The following CNTNAP2 variants were observed in gnomAD, a reference collection of about 807,000 sequenced individuals.
CNTNAP2 encodes the protein contactin-associated protein-like 2.
In CNTNAP2, 98 loss-of-function variants were observed where a neutral mutation model predicts 155.2. The observed-to-expected ratio is 0.63, with a 90% CI of 0.54 to 0.75. The LOEUF (loss-of-function observed/expected upper bound fraction) is 0.75, where lower values mean the gene tolerates loss of function less well. Ranked by LOEUF, CNTNAP2 falls within the 30% of genes least tolerant of loss-of-function variation. The pLI, the probability that CNTNAP2 is intolerant of heterozygous loss-of-function variation, is 0.00. For missense variants in CNTNAP2, 1,727 were observed against 1,688.1 expected (o/e 1.02, Z -0.40); for synonymous variants, 651 against 631.2 (o/e 1.03, Z -0.47).
intron 15 of CNTNAP2, among the ~76,000 whole-genome samples, chr7:148,049,368 A>G (rs1585097155): frequency 6.6e-6 from 1 of 152,260 alleles, no homozygotes; most frequent in African/African-American, 2.4e-5. Context: ...CCTAATTAAC[A>G]TTATAATGTC....
At chr7:148,388,266 G>A (rs535161951) in intron 22 of CNTNAP2, among the ~76,000 whole-genome samples, 1 of 151,280 alleles carries the variant, frequency 6.6e-6, no homozygotes, top group Non-Finnish European at 1.5e-5. Flanking sequence ...CTAGCATTAG[G>A]TATATCTCCC....
intron 1 of CNTNAP2, among the ~76,000 whole-genome samples, chr7:146,708,892 A>C (rs1801014274): frequency 6.6e-6 from 1 of 152,050 alleles, no homozygotes; most frequent in Admixed American, 6.6e-5. Context: ...CTGGCCAAAA[A>C]AAAGTGATTC....
chr7:148,085,548 G>C (rs1377835479), intron 15 of CNTNAP2, among the ~76,000 whole-genome samples: 1 of 152,058 alleles, frequency 6.6e-6, no homozygotes, highest in Admixed American at 6.6e-5. Context: ...GTGTTTTTCA[G>C]CTCCCAAATT....
intron 4 of CNTNAP2, among the ~76,000 whole-genome samples, chr7:147,073,324 A>C (rs924435296): frequency 2.6e-5 from 4 of 151,916 alleles, no homozygotes; most frequent in Non-Finnish European, 5.9e-5. Context: ...AAAAAAAAAA[A>C]AAAACCACAA....
At chr7:148,304,133 A>C (rs1238872037) in intron 21 of CNTNAP2, among the ~76,000 whole-genome samples, 1 of 152,194 alleles carries the variant, frequency 6.6e-6, no homozygotes, top group Non-Finnish European at 1.5e-5. Context: ...ACCAAAACTA[A>C]AAATAAAAAA....
intron 3 of CNTNAP2, among the ~76,000 whole-genome samples, chr7:146,880,529 C>T (rs548298100): frequency 6.6e-6 from 1 of 152,044 alleles, no homozygotes; most frequent in African/African-American, 2.4e-5. Context: ...AAAGATCTTA[C>T]CTGAGTAGAA....
intron 3 of CNTNAP2, among the ~76,000 whole-genome samples, chr7:147,002,151 A>G (rs1452164557): frequency 2.6e-5 from 4 of 152,032 alleles, no homozygotes; most frequent in Non-Finnish European, 5.9e-5. Flanking sequence ...TAAAAGATGC[A>G]TTTATTATAT....
At chr7:146,328,398 T>C (rs1801129956) in intron 1 of CNTNAP2, among the ~76,000 whole-genome samples, 1 of 152,158 alleles carries the variant, frequency 6.6e-6, no homozygotes, top group Non-Finnish European at 1.5e-5. Flanking sequence ...TATTGAGGTA[T>C]GATCAATAAA....
chr7:147,349,176 G>A (rs1363786277), intron 9 of CNTNAP2, among the ~76,000 whole-genome samples: 1 of 151,810 alleles, frequency 6.6e-6, no homozygotes. Context: ...AGTTTGAGAG[G>A]ATGAATACGC....
At chr7:147,608,763 G>A (rs375765468) in intron 12 of CNTNAP2, among the ~76,000 whole-genome samples, 8 of 152,336 alleles carry the variant, frequency 5.3e-5, no homozygotes, top group African/African-American at 1.7e-4. Context: ...TGAGCAGCAA[G>A]GCTGTTTATT....
At chr7:147,745,198 A>G (rs17417154) in intron 13 of CNTNAP2, among the ~76,000 whole-genome samples, 27,608 of 152,192 alleles carry the variant, frequency 0.18, 2,970 homozygotes, top group Middle Eastern at 0.38. Flanking sequence ...GACTGAATCA[A>G]ATGAAGCCTA....
At chr7:147,499,212 A>AG (rs1798765788) in intron 11 of CNTNAP2, among the ~76,000 whole-genome samples, 1 of 152,056 alleles carries the variant, frequency 6.6e-6, no homozygotes, top group Non-Finnish European at 1.5e-5. Context: ...AGTTTTTTGG[A>AG]GGGGTAATTT....
rs888976222 is a variant in CNTNAP2 at position 147,527,015 on chromosome 7, C to CTTTTTTTTTTTTTTTTTT, written c.1778-35113_1778-35096dup. Reference sequence around the variant, plus strand: ...CATGAATTATGGAAGACAGGCATTTCTTTTTTTTTTTTTTTTTTTTTTTTT... The same window carrying CTTTTTTTTTTTTTTTTTT: ...CATGAATTATGGAAGACAGGCATTTCTTTTTTTTTTTTTTTTTTTTTTTTTTTTTTTTTTTTTTTTTTT... On this transcript the variant is annotated intron_variant, in intron 11 of 23. Transcript: ENST00000361727. 2.1e-3 allele frequency among the ~76,000 whole-genome samples: 137 copies of CTTTTTTTTTTTTTTTTTT among 65,164 alleles called. 23 individuals are homozygous for CTTTTTTTTTTTTTTTTTT. The highest frequency in any genetic ancestry group is 0.01 in the African/African-American group (131 of 12,764). 42.8% of individuals were successfully genotyped at this position (65,164 alleles called of 152,430 possible).
At chr7:147,788,129 A>G (rs1797765341) in intron 13 of CNTNAP2, among the ~76,000 whole-genome samples, 1 of 152,168 alleles carries the variant, frequency 6.6e-6, no homozygotes, top group South Asian at 2.1e-4. Context: ...AACTCTTGTT[A>G]TTTGTGCAGA....
intron 16 of CNTNAP2, among the ~76,000 whole-genome samples, chr7:148,119,298 T>C (rs536662957): frequency 2.6e-5 from 4 of 151,022 alleles, no homozygotes; most frequent in Non-Finnish European, 4.4e-5. Flanking sequence ...CTGATTTGGG[T>C]GGATCACGAG....
chr7:147,144,759 T>C (rs1801667130), intron 8 of CNTNAP2, among the ~76,000 whole-genome samples: 1 of 152,206 alleles, frequency 6.6e-6, no homozygotes, highest in Non-Finnish European at 1.5e-5. Flanking sequence ...ACACAATAAG[T>C]TTATTACATA....
chr7:147,659,414 A>C (rs373065838), intron 13 of CNTNAP2, among the ~76,000 whole-genome samples: 23 of 152,256 alleles, frequency 1.5e-4, no homozygotes, highest in African/African-American at 5.5e-4. Context: ...GCTCAGCAGA[A>C]ACGTCTTACG....
chr7:148,153,580 G>A (rs1298421904), intron 17 of CNTNAP2, among the ~76,000 whole-genome samples: 2 of 152,174 alleles, frequency 1.3e-5, no homozygotes, highest in Non-Finnish European at 2.9e-5. Flanking sequence ...GTTCGGACCT[G>A]GGCTGTCCGT....
At chr7:146,749,512 C>T (rs1284342293) in intron 1 of CNTNAP2, among the ~76,000 whole-genome samples, 2 of 152,126 alleles carry the variant, frequency 1.3e-5, no homozygotes, top group African/African-American at 4.8e-5. Flanking sequence ...TGATATTCAG[C>T]ATCTTCTGCA....
Sources: allele counts gnomAD v4.1 joint callset (sites outside exome capture counted in the v4.1 genomes callset), GRCh38; gene constraint gnomAD v4.1.1; transcripts MANE v1.5; gene names NCBI Gene and HGNC (gene_info 2026-07-23, HGNC 2026-07-21).